Variants in FGF12 observed in about 807,000 individuals in gnomAD.
FGF12 encodes fibroblast growth factor 12B.
A neutral mutation model predicts 23.6 loss-of-function variants in FGF12; 14 were observed. The ratio of observed to expected loss-of-function variants is 0.59; its 90% CI spans 0.39 to 0.93. The LOEUF (loss-of-function observed/expected upper bound fraction) is 0.93, where lower values mean the gene tolerates loss of function less well. Among genes scored for constraint, FGF12 ranks in the 40% least tolerant of loss-of-function variants. The pLI is 0.00. For missense variants in FGF12, 175 were observed against 217.8 expected (o/e 0.80, Z 1.24); for synonymous variants, 62 against 77.3 (o/e 0.80, Z 1.04).
At chr3:192,282,164 G>A (rs1428183148) in intron 4 of FGF12, among the ~76,000 whole-genome samples, 1 of 152,138 alleles carries the variant, frequency 6.6e-6, no homozygotes, top group Non-Finnish European at 1.5e-5. Context: ...CTGAACAATT[G>A]TCTGATTAAT....
intron 2 of FGF12, among the ~76,000 whole-genome samples, chr3:192,370,348 A>G (rs1258487251): frequency 6.6e-6 from 1 of 152,206 alleles, no homozygotes; most frequent in Non-Finnish European, 1.5e-5. Context: ...AACACAAAAT[A>G]GGAATTTTAA....
intron 4 of FGF12, among the ~76,000 whole-genome samples, chr3:192,242,929 T>G (rs1719696681): frequency 1.3e-5 from 2 of 152,074 alleles, no homozygotes; most frequent in African/African-American, 2.4e-5. Context: ...GTAAGAAAAT[T>G]TAGTCAGTTA....
intron 4 of FGF12, among the ~76,000 whole-genome samples, chr3:192,202,732 C>T (rs912483637): frequency 2.6e-5 from 4 of 152,064 alleles, no homozygotes; most frequent in Admixed American, 6.6e-5. Flanking sequence ...GGTTCTATCA[C>T]CAGAAAGTTG....
intron 4 of FGF12, among the ~76,000 whole-genome samples, chr3:192,239,311 A>G (rs1034822525): frequency 1.3e-5 from 2 of 152,220 alleles, no homozygotes; most frequent in African/African-American, 4.8e-5. Context: ...TTCCAGAACT[A>G]CTGATTTTGA....
At chr3:192,628,832 C>T (rs932241141) in intron 2 of FGF12, among the ~76,000 whole-genome samples, 34 of 151,026 alleles carry the variant, frequency 2.3e-4, no homozygotes, top group African/African-American at 6.8e-4. Context: ...AATATATATA[C>T]ACACACACAC....
chr3:192,676,066 A>G (rs1717317793), intron 2 of FGF12, among the ~76,000 whole-genome samples: 2 of 152,240 alleles, frequency 1.3e-5, no homozygotes, highest in African/African-American at 4.8e-5. Flanking sequence ...AGAAGCCTCT[A>G]CTGGGAACCC....
intron 2 of FGF12, among the ~76,000 whole-genome samples, chr3:192,410,059 G>C (rs961197113): frequency 6.6e-6 from 1 of 150,498 alleles, no homozygotes; most frequent in South Asian, 2.1e-4. Flanking sequence ...GCCCGGGCGA[G>C]AGCCACCGAG....
At chr3:192,559,606 T>A (rs936003403) in intron 2 of FGF12, among the ~76,000 whole-genome samples, 2 of 151,996 alleles carry the variant, frequency 1.3e-5, no homozygotes, top group African/African-American at 4.8e-5. Context: ...GTAACAAACC[T>A]GCACATTGTG....
intron 4 of FGF12, among the ~76,000 whole-genome samples, chr3:192,259,660 T>A (rs981772927): frequency 1.4e-4 from 21 of 152,170 alleles, no homozygotes; most frequent in Non-Finnish European, 2.1e-4. Flanking sequence ...AATCTGTAGA[T>A]TGAGGGGAGT....
At chr3:192,582,624 T>G (rs1713201852) in intron 2 of FGF12, among the ~76,000 whole-genome samples, 1 of 151,948 alleles carries the variant, frequency 6.6e-6, no homozygotes, top group Admixed American at 6.6e-5. Flanking sequence ...CTAAGTAGAA[T>G]TTCAGTCCTG....
intron 2 of FGF12, among the ~76,000 whole-genome samples, chr3:192,634,100 A>T (rs947010953): frequency 3.9e-5 from 6 of 152,240 alleles, no homozygotes; most frequent in African/African-American, 1.2e-4. Flanking sequence ...AACAAAATGT[A>T]ATTTTCATCA....
intron 2 of FGF12, among the ~76,000 whole-genome samples, chr3:192,694,389 T>C (rs1215905618): frequency 6.6e-6 from 1 of 152,158 alleles, no homozygotes; most frequent in East Asian, 1.9e-4. Context: ...ATCCCTCTTC[T>C]GGGTATACAC....
intron 2 of FGF12, among the ~76,000 whole-genome samples, chr3:192,502,872 T>A (rs1467727643): frequency 6.6e-6 from 1 of 152,244 alleles, no homozygotes; most frequent in East Asian, 1.9e-4. Context: ...GGGAAGCACA[T>A]GGCCTAAGGG....
Position 192,360,672 on chromosome 3 carries a change from G to A in FGF12, c.14-134C>T, listed in dbSNP as rs769776439. On this transcript the variant is annotated intron_variant, in intron 2 of 5. Transcript: ENST00000445105. This position sits in a 1 kb window ranked among gnomAD's most constrained non-coding sequence, Gnocchi z 4.3. ...TATTGAATTATGTATTTGGGAGTTG[G>A]GTGTTTCAGTAACATATCTATGCTT... 2 of 650,142 alleles carry A rather than the reference G, an allele frequency of 3.1e-6. No individual in the cohort carries two copies. The highest frequency in any genetic ancestry group is 1.9e-5 in the South Asian group (1 of 52,500). The allele number at this position is 650,142 out of a possible 1,614,324, so 40.3% of individuals were successfully genotyped here.
intron 4 of FGF12, among the ~76,000 whole-genome samples, chr3:192,293,956 T>C (rs1714896487): frequency 6.6e-6 from 1 of 152,200 alleles, no homozygotes; most frequent in South Asian, 2.1e-4. Context: ...TCATCTTGAA[T>C]TGTACTCCCA....
chr3:192,184,491 C>G (rs1465427160), intron 4 of FGF12, among the ~76,000 whole-genome samples: 1 of 152,074 alleles, frequency 6.6e-6, no homozygotes. Flanking sequence ...TAAGCTTGAC[C>G]GATGGTCTGA....
At chr3:192,306,217 T>C (rs933376189) in intron 4 of FGF12, among the ~76,000 whole-genome samples, 5 of 152,160 alleles carry the variant, frequency 3.3e-5, no homozygotes, top group African/African-American at 1.2e-4. Context: ...ATGCACATTT[T>C]TGTTTATATG....
intron 2 of FGF12, among the ~76,000 whole-genome samples, chr3:192,716,327 C>T (rs1373569799): frequency 6.6e-6 from 1 of 152,118 alleles, no homozygotes; most frequent in African/African-American, 2.4e-5. Flanking sequence ...ACGTCAACAT[C>T]CCTGTTAAAA....
chr3:192,188,590 A>G (rs918275784), intron 4 of FGF12, among the ~76,000 whole-genome samples: 1 of 152,258 alleles, frequency 6.6e-6, no homozygotes, highest in South Asian at 2.1e-4. Flanking sequence ...TAAGTGTGTC[A>G]TGTGATACCT....
Sources: gnomAD v4.1 joint callset for allele counts (sites outside exome capture counted in the v4.1 genomes callset) on GRCh38, gnomAD v4.1.1 for gene constraint, Gnocchi (gnomAD v3.1) non-coding constraint, MANE v1.5 for transcripts, NCBI Gene and HGNC (gene_info 2026-07-23, HGNC 2026-07-21) for gene names.